The following LRP2 variants were observed in gnomAD, a reference collection of about 807,000 sequenced individuals.
The protein encoded by LRP2 is low-density lipoprotein receptor-related protein 2.
A neutral mutation model predicts 531.0 loss-of-function variants in LRP2; 172 were observed. The observed-to-expected ratio is 0.32, with a 90% CI of 0.29 to 0.37. The LOEUF is 0.37. Among genes scored for constraint, LRP2 ranks in the 10% least tolerant of loss-of-function variants. LRP2 has a pLI of 1.00. For synonymous variants in LRP2, 1,992 were observed against 2,027.6 expected (o/e 0.98, Z 0.47); for missense variants, 5,167 against 5,868.3 (o/e 0.88, Z 3.90).
chr2:169,348,032 A>G (rs768856643), intron 1 of LRP2, among the ~76,000 whole-genome samples: 5 of 152,190 alleles, frequency 3.3e-5, no homozygotes, highest in Non-Finnish European at 7.3e-5. Flanking sequence ...TCTGGGTTCA[A>G]ATGTTGGCTC....
intron 37 of LRP2, among the ~76,000 whole-genome samples, chr2:169,210,692 C>T (rs923932477): frequency 6.6e-6 from 1 of 152,168 alleles, no homozygotes; most frequent in African/African-American, 2.4e-5. Context: ...CAGTGCAGTG[C>T]ATGAATCTTG....
At position 169,181,631 on chromosome 2, in the gene LRP2, A is replaced by G; in HGVS notation, c.9999-13T>C. The G allele has an allele frequency of 6.2e-7, 1 of 1,613,972 alleles. No homozygotes were observed. Among genetic ancestry groups the G allele is most frequent in the Non-Finnish European group, 8.5e-7 (1 of 1,179,942 alleles). On this transcript the variant is annotated splice_polypyrimidine_tract_variant and intron_variant, in intron 51 of 78. Transcript: ENST00000649046. The stretch of plus-strand genomic sequence containing the variant: ...CCAGTAGAGGTACCTGTCAGGGCAA[A>G]CACAAAGGGTCAGTCCCTGATGCCA...
At chr2:169,153,171 T>C (rs544443394) in intron 66 of LRP2, among the ~76,000 whole-genome samples, 1 of 152,372 alleles carries the variant, frequency 6.6e-6, no homozygotes, top group East Asian at 1.9e-4. Flanking sequence ...ATGCTTCAAC[T>C]GAGAACTTAG....
Position 169,289,009 on chromosome 2 carries a change from C to A in LRP2, c.1042+17G>T, listed in dbSNP as rs753407838. 1.2e-6 allele frequency: 2 copies of A among 1,613,664 alleles called. No homozygotes were observed. The highest frequency in any genetic ancestry group is 2.2e-5 in the South Asian group (2 of 91,072). On this transcript the variant is annotated intron_variant, in intron 9 of 78. Coordinates refer to ENST00000649046, the MANE Select transcript of LRP2 (RefSeq NM_004525.3). The stretch of plus-strand genomic sequence containing the variant: ...ACTGTAATGAAAGACAAGTAGCCGC[C>A]GCCCCCCATCACTTACCAACACAGG...
At chr2:169,308,783 T>C (rs953775303) in intron 3 of LRP2, among the ~76,000 whole-genome samples, 6 of 152,170 alleles carry the variant, frequency 3.9e-5, no homozygotes, top group Non-Finnish European at 4.4e-5. Flanking sequence ...TTCTAGATCC[T>C]TGAGGAATCG....
intron 76 of LRP2, among the ~76,000 whole-genome samples, chr2:169,135,875 A>G (rs907212956): frequency 2.0e-5 from 3 of 152,076 alleles, no homozygotes; most frequent in Non-Finnish European, 4.4e-5. Context: ...AACTACTCAT[A>G]AATGCCCTGC....
chr2:169,240,964 G>A, intron 25 of LRP2, 24 bp downstream of exon 25: 2 of 1,607,874 alleles, frequency 1.2e-6, no homozygotes, highest in Admixed American at 1.7e-5. Context: ...TTTATGGCCA[G>A]TAAACTGTGG....
chr2:169,216,241 G>A lies in LRP2; in HGVS notation c.5826+12C>T. On this transcript the variant is annotated intron_variant, in intron 35 of 78. Transcript: ENST00000649046. ...CAGCATAAAGACCAAAAGACTGAAA[G>A]GGTGCTCATACCACTCCTCTTCCAG... is the stretch of plus-strand genomic sequence containing the variant. The A allele has an allele frequency of 6.2e-7, 1 of 1,612,980 alleles. No homozygotes were observed. The highest frequency in any genetic ancestry group is 8.5e-7 in the Non-Finnish European group (1 of 1,179,336).
intron 55 of LRP2, 125 bp from the exon 56 acceptor site, chr2:169,174,289 C>T: frequency 6.8e-6 from 8 of 1,172,634 alleles, no homozygotes; most frequent in Non-Finnish European, 9.9e-6. Context: ...TCCTAATGTA[C>T]TTATCAGTCA....
At position 169,279,308 on chromosome 2, in the gene LRP2, A is replaced by C. The variant is rs112010292; in HGVS notation, c.1565+64T>G. ...CCTTTGATTAATCCAGTAGATGTTC[A>C]GTGTATAGAGGGAGAGAGAAAATTC... On this transcript the variant is annotated intron_variant, in intron 12 of 78. Coordinates refer to ENST00000649046, the MANE Select transcript of LRP2 (RefSeq NM_004525.3). 2.8e-4 allele frequency: 324 copies of C among 1,149,860 alleles called. 1 individual carries two copies. In the African/African-American group the frequency reaches 3.9e-3, roughly 14 times the overall value. 71.2% of individuals were successfully genotyped at this position (1,149,860 alleles called of 1,614,324 possible).
At chr2:169,350,356 G>A (rs941848148) in intron 1 of LRP2, among the ~76,000 whole-genome samples, 5 of 152,148 alleles carry the variant, frequency 3.3e-5, no homozygotes, top group East Asian at 1.9e-4. Context: ...CTAGACTATA[G>A]GGTAGTGGTC....
In LRP2 at chr2:169,273,038, C is replaced by T; in HGVS notation, c.2005G>A (p.Gly669Ser). ...ATNPCKDNNGGCEQVCVLSHR... is the reference protein window; with the variant it reads ...ATNPCKDNNGSCEQVCVLSHR... The stretch of plus-strand genomic sequence containing the variant: ...CTGAGGACACAGACCTGCTCACAGC[C>T]CCCATTGTTATCTTTACACGGATTG... The change falls in exon 15 of 79, where the codon GGC becomes AGC. Residue 669 changes from glycine to serine, a missense_variant. Physicochemically the swap from Gly to Ser is moderately conservative, Grantham distance 56 (BLOSUM62 0). Coordinates refer to ENST00000649046, the MANE Select transcript of LRP2 (RefSeq NM_004525.3). 1.2e-6 allele frequency: 2 copies of T among 1,613,660 alleles called. No homozygotes were observed. The highest frequency in any genetic ancestry group is 2.2e-5 in the East Asian group (1 of 44,862).
chr2:169,353,897 G>A (rs1188488367), intron 1 of LRP2, among the ~76,000 whole-genome samples: 2 of 152,174 alleles, frequency 1.3e-5, no homozygotes, highest in African/African-American at 4.8e-5. Flanking sequence ...GGGTTAAGCG[G>A]AGAGGATCTC....
At chr2:169,335,996 CTAAG>C (rs1269133060) in intron 1 of LRP2, among the ~76,000 whole-genome samples, 2 of 144,682 alleles carry the variant, frequency 1.4e-5, no homozygotes, top group Non-Finnish European at 3.0e-5. Flanking sequence ...GCCTGGGTGA[CTAAG>C]TGAGACTTCA....
chr2:169,227,038 A>G (rs1241114883), intron 31 of LRP2, among the ~76,000 whole-genome samples: 1 of 152,248 alleles, frequency 6.6e-6, no homozygotes, highest in Non-Finnish European at 1.5e-5. Flanking sequence ...ACTAGTTTTA[A>G]GAATGTTCCA....
chr2:169,272,795 G>A, intron 15 of LRP2, 132 bp downstream of exon 15: 1 of 1,149,262 alleles, frequency 8.7e-7, no homozygotes, highest in African/African-American at 1.5e-5. Context: ...GTGGGCTACA[G>A]AAAGCTTATT....
chr2:169,281,709 C>G (rs1331611719), intron 10 of LRP2, among the ~76,000 whole-genome samples: 1 of 151,764 alleles, frequency 6.6e-6, no homozygotes, highest in Non-Finnish European at 1.5e-5. Context: ...CAGAGCGAGA[C>G]TCATTCTCAA....
intron 44 of LRP2, among the ~76,000 whole-genome samples, chr2:169,199,278 A>C (rs994559513): frequency 2.0e-5 from 3 of 152,254 alleles, no homozygotes; most frequent in Non-Finnish European, 4.4e-5. Context: ...TATACTGATA[A>C]GTAATGACAG....
chr2:169,320,987 A>G, intron 1 of LRP2, 103 bp from the exon 2 acceptor site: 1 of 776,526 alleles, frequency 1.3e-6, no homozygotes, highest in Non-Finnish European at 2.2e-6. Context: ...CTAATTAGAT[A>G]ATCAAAGAAA....
Sources: allele counts gnomAD v4.1 joint callset (sites outside exome capture counted in the v4.1 genomes callset), GRCh38; gene constraint gnomAD v4.1.1; transcripts MANE v1.5; gene names NCBI Gene and HGNC (gene_info 2026-07-23, HGNC 2026-07-21).